The following GLT8D1 variants were observed in gnomAD, a reference collection of about 807,000 sequenced individuals.
GLT8D1 encodes the protein glycosyltransferase 8 domain containing 1.
A neutral mutation model predicts 46.2 loss-of-function variants in GLT8D1; 41 were observed. The observed-to-expected ratio is 0.89, with a 90% CI of 0.69 to 1.15. The LOEUF (loss-of-function observed/expected upper bound fraction) is 1.15. Ranked by LOEUF, GLT8D1 falls within the 50% of genes most tolerant of loss-of-function variation. The pLI is 0.00. For synonymous variants in GLT8D1, 150 were observed against 154.2 expected, an observed-to-expected ratio of 0.97 and a Z score of 0.20; for missense variants, 408 against 449.3, an observed-to-expected ratio of 0.91 and a Z score of 0.83.
chr3:52,695,859 TC>T, intron 7 of GLT8D1, 68 bp downstream of exon 7: 1 of 898,920 alleles, frequency 1.1e-6, no homozygotes, highest in South Asian at 1.5e-5. Context: ...GCAAAAGAGT[TC>T]CCTGAATTTG....
chr3:52,697,953 C>T lies in GLT8D1; in HGVS notation c.116-19G>A. On this transcript the variant is annotated intron_variant, in intron 3 of 9. Coordinates refer to ENST00000266014, the MANE Select transcript of GLT8D1 (RefSeq NM_018446.4). The stretch of plus-strand genomic sequence containing the variant: ...CCTGAATCTGAAAACACAAGGAAGG[C>T]ACTGTGATTACAATCTCATGGGCTT... 1 of 1,473,702 alleles carries T rather than the reference C, an allele frequency of 6.8e-7. No individual in the cohort carries two copies. The allele number at this position is 1,473,702 out of a possible 1,614,324, so 91.3% of individuals were successfully genotyped here. A position where few individuals can be genotyped will look rare whatever the true frequency, so the allele number is the denominator to read the frequency against.
chr3:52,702,197 C>T (rs1357589022), intron 1 of GLT8D1, among the ~76,000 whole-genome samples: 3 of 152,192 alleles, frequency 2.0e-5, no homozygotes, highest in African/African-American at 7.2e-5. Context: ...CTACCAGGCA[C>T]TTAATTTCTC....
chr3:52,703,674 T>G (rs1256458251), intron 1 of GLT8D1: 1 of 152,120 alleles, frequency 6.6e-6, no homozygotes, highest in Non-Finnish European at 1.5e-5. Flanking sequence ...CAGTTAGCAG[T>G]TACGGGATCA....
chr3:52,702,057 G>T (rs916776701), intron 1 of GLT8D1, among the ~76,000 whole-genome samples: 1 of 152,028 alleles, frequency 6.6e-6, no homozygotes, highest in African/African-American at 2.4e-5. Flanking sequence ...TTTAGACAGG[G>T]TCTCACCATG....
intron 1 of GLT8D1, among the ~76,000 whole-genome samples, chr3:52,701,958 A>G (rs1011931040): frequency 6.6e-6 from 1 of 152,266 alleles, no homozygotes. Flanking sequence ...CTTCACCCAT[A>G]GTAGTACCCA....
At chr3:52,705,069 C>T (rs936565904) in intron 1 of GLT8D1, 3 of 152,284 alleles carry the variant, frequency 2.0e-5, no homozygotes, top group African/African-American at 7.2e-5. Flanking sequence ...GAATACATAA[C>T]CTGGGGGCCG....
At chr3:52,701,285 A>G (rs560500779) in intron 1 of GLT8D1, 1 of 152,288 alleles carries the variant, frequency 6.6e-6, no homozygotes, top group Admixed American at 6.5e-5. Context: ...AAAAAGCTAC[A>G]AAAATTCACA....
At chr3:52,700,709 T>C in intron 1 of GLT8D1, 1 of 427,886 alleles carries the variant, frequency 2.3e-6, no homozygotes, top group Non-Finnish European at 4.2e-6. Context: ...TAAAAATAAG[T>C]TGGAGAAACA....
In GLT8D1 at chr3:52,695,403, G is replaced by A; in HGVS notation, c.812+18C>T. The A allele has an allele frequency of 6.2e-7, 1 of 1,607,792 alleles. No individual in the cohort carries two copies. On this transcript the variant is annotated intron_variant, in intron 8 of 9. Coordinates refer to ENST00000266014, the MANE Select transcript of GLT8D1 (RefSeq NM_018446.4). Reference sequence around the variant, plus strand: ...GAAATACAACAGTTTTTCACAGCTAGGCCAGTTACATACTTACTCTACATT... The same window carrying A: ...GAAATACAACAGTTTTTCACAGCTAAGCCAGTTACATACTTACTCTACATT...
rs756765260 is a variant in GLT8D1 at position 52,695,578 on chromosome 3, T to C, written c.655A>G (p.Ile219Val). The change falls in exon 8 of 10, where the codon ATT becomes GTT. Residue 219 changes from isoleucine to valine, a missense_variant. Coordinates refer to ENST00000266014, the MANE Select transcript of GLT8D1 (RefSeq NM_018446.4). The part of the protein sequence containing the change: ...IRGAGNQYNY[I>V]GYLDYKKERI... ...TCCTTTTTATAGTCAAGATAGCCAA[T>C]GTAATTGTACTAAAAACACAAATAG... The C allele has an allele frequency of 1.1e-5, 18 of 1,594,168 alleles. No homozygotes were observed. The highest frequency in any genetic ancestry group is 1.4e-5 in the Non-Finnish European group (16 of 1,162,562).
intron 7 of GLT8D1, 87 bp from the exon 8 acceptor site, chr3:52,695,674 C>G: frequency 1.3e-6 from 1 of 770,334 alleles, no homozygotes; most frequent in South Asian, 1.7e-5. Context: ...AGCTGTTAAA[C>G]TGACTTCTTC....
chr3:52,697,005 C>T (rs1400855613), intron 4 of GLT8D1, among the ~76,000 whole-genome samples: 1 of 67,388 alleles, frequency 1.5e-5, no homozygotes, highest in East Asian at 4.2e-4. Context: ...TAAAGGAGTA[C>T]TGCACATTTT....
intron 3 of GLT8D1, 42 bp from the exon 4 acceptor site, chr3:52,697,976 CT>C: frequency 8.2e-7 from 1 of 1,212,242 alleles, no homozygotes; most frequent in Non-Finnish European, 1.2e-6. Flanking sequence ...ATCTCATGGG[CT>C]TTTGATATAG....
At position 52,700,470 on chromosome 3, in the gene GLT8D1, C is replaced by T; in HGVS notation, c.-10G>A. 1 of 1,584,460 alleles carries T rather than the reference C, an allele frequency of 6.3e-7. No homozygotes were observed. The highest frequency in any genetic ancestry group is 1.1e-5 in the South Asian group (1 of 90,132). On this transcript the variant is annotated 5_prime_UTR_variant, in exon 2 of 10. Transcript: ENST00000266014. ...CTTTACGGAATGACATCTTTTTCTT[C>T]TGTCATATAAATATTAGTTTTTAAC...
At position 52,694,802 on chromosome 3, in the gene GLT8D1, C is replaced by G; in HGVS notation, c.*43G>C. ...GTTACTTCCCACGCATGCTATCTTC[C>G]AGGACTTCCTGAGAAATGCTTGCTT... On this transcript the variant is annotated 3_prime_UTR_variant, in exon 10 of 10. Coordinates refer to ENST00000266014, the MANE Select transcript of GLT8D1 (RefSeq NM_018446.4). 7.3e-7 allele frequency: 1 copy of G among 1,378,448 alleles called. No individual in the cohort carries two copies. Among genetic ancestry groups the G allele is most frequent in the Non-Finnish European group, 1.0e-6 (1 of 965,564 alleles). The allele number at this position is 1,378,448 out of a possible 1,614,324, so 85.4% of individuals were successfully genotyped here.
At chr3:52,704,855 G>C (rs377319167) in intron 1 of GLT8D1, 2 of 152,506 alleles carry the variant, frequency 1.3e-5, no homozygotes, top group South Asian at 2.1e-4. Context: ...CAGCTGTCAT[G>C]TATTTCTGGC....
intron 3 of GLT8D1, among the ~76,000 whole-genome samples, chr3:52,699,788 T>C (rs188081266): frequency 1.8e-4 from 28 of 152,330 alleles, no homozygotes; most frequent in Non-Finnish European, 3.7e-4. Context: ...TCAGCTATGG[T>C]GGGTGGCAAT....
Position 52,700,319 on chromosome 3 carries a change from G to C in GLT8D1, c.58C>G (p.Leu20Val), listed in dbSNP as rs1268643776. 6.2e-7 allele frequency: 1 copy of C among 1,613,838 alleles called. No individual in the cohort carries two copies. Reference sequence around the variant, plus strand: ...CTGAGGAAGTTATGGTGCAAAACCAGTAAGAAGAGAGCAACAGCCAGGACC... The same window carrying C: ...CTGAGGAAGTTATGGTGCAAAACCACTAAGAAGAGAGCAACAGCCAGGACC... ...ILVLAVALFLLVLHHNFLSLS... is the reference protein window; with the variant it reads ...ILVLAVALFLVVLHHNFLSLS... Residue 20 changes from leucine (L) to valine (V), a missense_variant, in exon 3 of 10, where the codon CTG (leucine) becomes GTG (valine). Leu to Val is a conservative substitution (Grantham distance 32). Coordinates refer to ENST00000266014, the MANE Select transcript of GLT8D1 (RefSeq NM_018446.4).
rs367768688 is a variant in GLT8D1, at chr3:52,694,849, T to G, written c.1112A>C (p.Lys371Thr). 6.2e-7 allele frequency: 1 copy of G among 1,604,862 alleles called. No homozygotes were observed. Among genetic ancestry groups the G allele is most frequent in the African/African-American group, 1.3e-5 (1 of 74,782 alleles). The change falls in exon 10 of 10, where the codon AAG (lysine) becomes ACG (threonine). Residue 371 changes from lysine (K) to threonine (T), a missense_variant. By Grantham distance (78) the Lys-to-Thr change is moderately conservative. Transcript: ENST00000266014. ...IRRYTEISNI[K>T] ...GCTTACAGTTCAAATTCTGTTTCAC[T>G]TTATGTTTGAGATCTCGGTATATCT... is the stretch of plus-strand genomic sequence containing the variant.
Sources: gnomAD v4.1 joint callset for allele counts (sites outside exome capture counted in the v4.1 genomes callset) on GRCh38, gnomAD v4.1.1 for gene constraint, MANE v1.5 for transcripts, NCBI Gene and HGNC (gene_info 2026-07-23, HGNC 2026-07-21) for gene names.